PDE1C: variants seen among roughly 807,000 people sequenced by gnomAD.
The protein encoded by PDE1C is phosphodiesterase 1C, also known as dual specificity calcium/calmodulin-dependent 3',5'-cyclic nucleotide phosphodiesterase 1C.
A neutral mutation model predicts 93.1 loss-of-function variants in PDE1C; 62 were observed. The observed-to-expected ratio is 0.67, with a 90% CI of 0.54 to 0.82. The LOEUF (loss-of-function observed/expected upper bound fraction) is 0.82, where lower values mean the gene tolerates loss of function less well. Among genes scored for constraint, PDE1C ranks in the 40% least tolerant of loss-of-function variants. The probability of loss-of-function intolerance (pLI) is 0.00; values close to 1 mark genes in which losing one functional copy is unlikely to be tolerated. For synonymous variants in PDE1C, 325 were observed against 310.1 expected, an observed-to-expected ratio of 1.05 and a Z score of -0.50; for missense variants, 742 against 884.6, an observed-to-expected ratio of 0.84 and a Z score of 2.04.
intron 2 of PDE1C, among the ~76,000 whole-genome samples, chr7:31,892,519 T>C (rs992977883): frequency 2.0e-5 from 3 of 152,198 alleles, no homozygotes; most frequent in African/African-American, 7.2e-5. Context: ...ATCTTCCCTC[T>C]CCTTTTTCAG....
At chr7:32,408,347 C>A (rs7782362) in intron 1 of PDE1C, among the ~76,000 whole-genome samples, 4,997 of 152,150 alleles carry the variant, frequency 0.033, 290 homozygotes, top group African/African-American at 0.11. Flanking sequence ...TGCAGGCAAC[C>A]ACACACAGAG....
intron 11 of PDE1C, among the ~76,000 whole-genome samples, chr7:31,829,653 G>C (rs896075043): frequency 1.3e-5 from 2 of 152,116 alleles, no homozygotes; most frequent in Non-Finnish European, 2.9e-5. Context: ...GGACATCCAA[G>C]GGTCTCAGGA....
chr7:31,892,321 T>C (rs1798746063), intron 2 of PDE1C, among the ~76,000 whole-genome samples: 1 of 152,154 alleles, frequency 6.6e-6, no homozygotes, highest in Non-Finnish European at 1.5e-5. Context: ...GACTCATGCC[T>C]TGAGGAAACC....
chr7:32,133,173 C>T (rs1563340191), intron 3 of PDE1C, among the ~76,000 whole-genome samples: 1 of 152,060 alleles, frequency 6.6e-6, no homozygotes. Context: ...CAGTCATGGA[C>T]ATATATACAG....
intron 16 of PDE1C, among the ~76,000 whole-genome samples, chr7:31,793,744 A>G (rs1784847823): frequency 6.6e-6 from 1 of 151,128 alleles, no homozygotes; most frequent in Admixed American, 6.6e-5. Context: ...GTTAGGCTTT[A>G]TCCAGGTATG....
At chr7:31,692,457 C>A in the PDE1C span, 5 of 1,610,852 alleles carry the variant, frequency 3.1e-6, no homozygotes, top group Non-Finnish European at 4.2e-6. Context: ...GTCCACTGAG[C>A]AAATGCAGCC....
At chr7:31,798,460 T>G (rs1264327466) in intron 16 of PDE1C, among the ~76,000 whole-genome samples, 1 of 151,748 alleles carries the variant, frequency 6.6e-6, no homozygotes, top group Non-Finnish European at 1.5e-5. Flanking sequence ...AAAGTAAATT[T>G]CACTAAAAAG....
intron 1 of PDE1C, among the ~76,000 whole-genome samples, chr7:32,056,320 TTCTCTCTCTCTCTCTCTC>T (rs10648394): frequency 0.081 from 8,971 of 111,124 alleles, 330 homozygotes; most frequent in African/African-American, 0.098. Flanking sequence ...GGGTCCACCG[TTCTCTCTCTCTCTCTCTC>T]TCTCTCTCTC....
chr7:31,693,637 C>T, the PDE1C span, among the ~76,000 whole-genome samples: 6 of 152,192 alleles, frequency 3.9e-5, no homozygotes, highest in African/African-American at 1.4e-4. Context: ...TCATATTTAA[C>T]AACTGATAAA....
Position 32,005,555 on chromosome 7 carries a change from CAAAAAA to C in PDE1C, c.128+45993_128+45998del, listed in dbSNP as rs59246166. On this transcript the variant is annotated intron_variant, in intron 2 of 17. Transcript: ENST00000396191. The stretch of plus-strand genomic sequence containing the variant: ...TGGGCGACAGAGCGAGACTCCATTT[CAAAAAA>C]AAAAAAAAAAAAAAAAAAAAGAATT... 1.8e-3 allele frequency among the ~76,000 whole-genome samples: 93 copies of C among 50,762 alleles called. 1 individual carries two copies. The highest frequency in any genetic ancestry group is 2.6e-3 in the Non-Finnish European group (71 of 26,870). 33.3% of individuals were successfully genotyped at this position (50,762 alleles called of 152,430 possible). A position where few individuals can be genotyped will look rare whatever the true frequency, so the allele number is the denominator to read the frequency against.
the PDE1C span, among the ~76,000 whole-genome samples, chr7:31,717,030 A>G: frequency 6.6e-6 from 1 of 152,210 alleles, no homozygotes; most frequent in South Asian, 2.1e-4. Flanking sequence ...AAAATATTGG[A>G]AGCTGATCCA....
chr7:31,617,855 A>C, the PDE1C span, among the ~76,000 whole-genome samples: 1 of 152,222 alleles, frequency 6.6e-6, no homozygotes, highest in African/African-American at 2.4e-5. Context: ...TTGACCTATT[A>C]AGAAGAGAGT....
chr7:32,331,084 A>G (rs1783504343), intron 1 of PDE1C, among the ~76,000 whole-genome samples: 1 of 152,146 alleles, frequency 6.6e-6, no homozygotes, highest in Non-Finnish European at 1.5e-5. Context: ...GATCAATAAG[A>G]TCTTAACTCA....
intron 2 of PDE1C, among the ~76,000 whole-genome samples, chr7:31,989,549 GT>G (rs1255666660): frequency 6.6e-6 from 1 of 152,048 alleles, no homozygotes; most frequent in Non-Finnish European, 1.5e-5. Context: ...CAACAATGAG[GT>G]TTTTGCCTTC....
chr7:31,800,900 T>A (rs945736606), intron 16 of PDE1C, among the ~76,000 whole-genome samples: 13 of 151,270 alleles, frequency 8.6e-5, no homozygotes, highest in South Asian at 2.1e-4. Flanking sequence ...TCTAAATAAC[T>A]CTTAGGTCAA....
intron 1 of PDE1C, among the ~76,000 whole-genome samples, chr7:32,324,467 A>G (rs1783364915): frequency 1.3e-5 from 2 of 152,190 alleles, no homozygotes; most frequent in Admixed American, 6.5e-5. Context: ...GGAGAATTCA[A>G]TCAAATCTTC....
the PDE1C span, among the ~76,000 whole-genome samples, chr7:31,694,387 A>AAC: frequency 0.029 from 4,136 of 141,636 alleles, 45 homozygotes; most frequent in Middle Eastern, 0.039. Context: ...CTCTCTCTCA[A>AAC]ACACACACAC....
At chr7:31,942,553 TCA>T (rs1172271656) in intron 2 of PDE1C, among the ~76,000 whole-genome samples, 1 of 152,138 alleles carries the variant, frequency 6.6e-6, no homozygotes, top group East Asian at 1.9e-4. Flanking sequence ...GCCCTTTGTC[TCA>T]CAGGTTATAA....
intron 2 of PDE1C, among the ~76,000 whole-genome samples, chr7:32,050,032 G>A (rs1054907600): frequency 6.6e-6 from 1 of 152,154 alleles, no homozygotes; most frequent in African/African-American, 2.4e-5. Flanking sequence ...GCATAATACT[G>A]TACTTGGTAA....
Sources: gnomAD v4.1 joint callset for allele counts (sites outside exome capture counted in the v4.1 genomes callset) on GRCh38, gnomAD v4.1.1 for gene constraint, MANE v1.5 for transcripts, NCBI Gene and HGNC (gene_info 2026-07-23, HGNC 2026-07-21) for gene names.